Variants in S100A14 observed in about 807,000 individuals in gnomAD.
S100A14 encodes protein S100-A14.
A neutral mutation model predicts 10.6 loss-of-function variants in S100A14; 6 were observed. The observed-to-expected ratio is 0.57, with a 90% confidence interval of 0.31 to 1.12. The LOEUF is 1.12. S100A14 is among the 50% of genes most tolerant of loss of function. The probability of loss-of-function intolerance (pLI) is 0.06; values close to 1 mark genes in which losing one functional copy is unlikely to be tolerated. For synonymous variants in S100A14, 51 were observed against 51.0 expected (o/e 1.00, Z 0.00); for missense variants, 121 against 128.7 (o/e 0.94, Z 0.29).
intron 1 of S100A14, 22 bp from the exon 2 acceptor site, chr1:153,615,958 C>A: frequency 1.7e-6 from 2 of 1,193,950 alleles, no homozygotes; most frequent in Admixed American, 1.8e-5. Flanking sequence ...AGGGGGTAGG[C>A]CTGAGCTGAG....
At position 153,615,815 on chromosome 1, in the gene S100A14, G is replaced by A. The variant is rs146857024; in HGVS notation, c.30+14C>T. On this transcript the variant is annotated intron_variant, in intron 2 of 3. Transcript: ENST00000344616. ...GAGTGTGGGAGCAGAAAGGCCAGGA[G>A]TGAATGAGCCCACCTCTGCGTTGGC... 3.7e-6 allele frequency: 6 copies of A among 1,613,714 alleles called. No individual in the cohort carries two copies. The highest frequency in any genetic ancestry group is 1.7e-5 in the Admixed American group (1 of 60,000).
chr1:153,615,293 G>A lies in S100A14; in HGVS notation c.119C>T (p.Thr40Met), dbSNP rs375870977. 2.2e-5 allele frequency: 36 copies of A among 1,613,962 alleles called. No homozygotes were observed. In the East Asian group the frequency reaches 3.3e-4, roughly 15 times the overall value. ...GTCCCGTAGCTCAGAAGGGGTCAGC[G>A]TCTCCTTCCCACCCTCCACGGAGTA... ...HQYSVEGGKETLTPSELRDLV... is the reference protein window; with the variant it reads ...HQYSVEGGKEMLTPSELRDLV... Residue 40 changes from threonine to methionine, a missense_variant, in exon 3 of 4, where the codon ACG (threonine) becomes ATG (methionine). Thr to Met is a moderately conservative substitution (Grantham distance 81). Transcript: ENST00000344616.
chr1:153,615,510 A>C, intron 2 of S100A14, 129 bp from the exon 3 acceptor site: 1 of 1,105,374 alleles, frequency 9.0e-7, no homozygotes. Context: ...CCCACTCCAG[A>C]GCCCAGAATC....
rs41265178 is a variant in S100A14, at chr1:153,615,226, C to T, written c.177+9G>A. On this transcript the variant is annotated intron_variant, in intron 3 of 3. Transcript: ENST00000344616. ...GTACTGGCTGAGGTGGGGTGTGCTC[C>T]GTCCATACCGGCATGAGATGGGGCA... 21,736 of 1,613,118 alleles carry T rather than the reference C, an allele frequency of 0.013. 202 individuals carry two copies. Among genetic ancestry groups the T allele is most frequent in the Non-Finnish European group, 0.015 (17,949 of 1,179,596 alleles).
rs1016776227 is a variant in S100A14, at chr1:153,615,450, C to G, written c.31-69G>C. On this transcript the variant is annotated intron_variant, in intron 2 of 3. Transcript: ENST00000344616. ...CCCCAAAACCCTGCTTCTCCAGGAGCCTAGCAAAGCCCCCAGGGCAGAAGG... is the reference window on the plus strand; with the variant it reads ...CCCCAAAACCCTGCTTCTCCAGGAGGCTAGCAAAGCCCCCAGGGCAGAAGG... The G allele has an allele frequency of 4.5e-6, 7 of 1,552,334 alleles. No individual in the cohort carries two copies. The African/African-American group carries it at 5.4e-5, about 12-fold the overall frequency.
chr1:153,615,307 C>G lies in S100A14; in HGVS notation c.105G>C (p.Glu35Asp), dbSNP rs777920098. The change falls in exon 3 of 4, where the codon GAG (glutamate) becomes GAC (aspartate). Residue 35 changes from glutamate (E) to aspartate (D), a missense_variant. By Grantham distance (45) the Glu-to-Asp change is conservative. Transcript: ENST00000344616. ...AAGGGGTCAGCGTCTCCTTCCCACC[C>G]TCCACGGAGTACTGGTGAAAGTTCT... is the stretch of plus-strand genomic sequence containing the variant. ...LIKNFHQYSV[E>D]GGKETLTPSE... 6 of 1,613,864 alleles carry G rather than the reference C, an allele frequency of 3.7e-6. No individual in the cohort carries two copies. In the East Asian group the frequency reaches 1.3e-4, roughly 36 times the overall value.
Position 153,614,796 on chromosome 1 carries a change from A to C in S100A14, c.*89T>G. On this transcript the variant is annotated 3_prime_UTR_variant, in exon 4 of 4. Transcript: ENST00000344616. ...GCAGAGATGAGGACAGGTGCAGGCT[A>C]GGGTACAGGGTGGTGGTAGAGGAGA... is the stretch of plus-strand genomic sequence containing the variant. 6.8e-7 allele frequency: 1 copy of C among 1,463,034 alleles called. No individual in the cohort carries two copies. Among genetic ancestry groups the C allele is most frequent in the Non-Finnish European group, 9.3e-7 (1 of 1,074,736 alleles). 90.6% of individuals were successfully genotyped at this position (1,463,034 alleles called of 1,614,324 possible). A position where few individuals can be genotyped will look rare whatever the true frequency, so the allele number is the denominator to read the frequency against.
chr1:153,615,801 C>T (rs747708571), intron 2 of S100A14, 28 bp downstream of exon 2: 1 of 1,613,244 alleles, frequency 6.2e-7, no homozygotes, highest in East Asian at 2.2e-5. Context: ...AGTGTGGGAG[C>T]AGAAAGGCCA....
chr1:153,615,418 C>G, intron 2 of S100A14, 37 bp from the exon 3 acceptor site: 1 of 1,602,414 alleles, frequency 6.2e-7, no homozygotes, highest in East Asian at 2.2e-5. Flanking sequence ...CAGTGAAGCT[C>G]CATGCACCCC....
Position 153,614,749 on chromosome 1 carries a change from C to T in S100A14, c.*136G>A. On this transcript the variant is annotated 3_prime_UTR_variant, in exon 4 of 4. Coordinates refer to ENST00000344616, the MANE Select transcript of S100A14 (RefSeq NM_020672.3). ...CATCCAAGACAGAGTGCACAGAGACCTGGGGAAGGAAGCTGAACTTTGCAG... is the reference window on the plus strand; with the variant it reads ...CATCCAAGACAGAGTGCACAGAGACTTGGGGAAGGAAGCTGAACTTTGCAG... 9.2e-7 allele frequency: 1 copy of T among 1,088,160 alleles called. No individual in the cohort carries two copies. The highest frequency in any genetic ancestry group is 2.5e-5 in the East Asian group (1 of 39,394). The allele number at this position is 1,088,160 out of a possible 1,614,324, so 67.4% of individuals were successfully genotyped here.
intron 2 of S100A14, 148 bp from the exon 3 acceptor site, chr1:153,615,529 C>A: frequency 1.0e-6 from 1 of 975,604 alleles, no homozygotes; most frequent in Non-Finnish European, 1.5e-6. Context: ...TCTAGCCCCT[C>A]TCCCCCACCC....
rs1236864523 is a variant in S100A14 at position 153,615,895 on chromosome 1, G to C, written c.-37C>G. 3.7e-6 allele frequency: 6 copies of C among 1,611,910 alleles called. No homozygotes were observed. Among genetic ancestry groups the C allele is most frequent in the Non-Finnish European group, 5.1e-6 (6 of 1,178,184 alleles). Reference sequence around the variant, plus strand: ...TGTCTGGTCCTTTGGTGAGAGTTCTGTTGTCCTATAGCTGGCCCCAGAGGA... The same window carrying C: ...TGTCTGGTCCTTTGGTGAGAGTTCTCTTGTCCTATAGCTGGCCCCAGAGGA... On this transcript the variant is annotated 5_prime_UTR_variant, in exon 2 of 4. Coordinates refer to ENST00000344616, the MANE Select transcript of S100A14 (RefSeq NM_020672.3).
chr1:153,614,913 T>G lies in S100A14; in HGVS notation c.287A>C (p.Lys96Thr). The G allele has an allele frequency of 6.2e-7, 1 of 1,613,972 alleles. No homozygotes were observed. The highest frequency in any genetic ancestry group is 1.7e-5 in the Admixed American group (1 of 60,000). The change falls in exon 4 of 4, where the codon AAG (lysine) becomes ACG (threonine). Residue 96 changes from lysine (K) to threonine (T), a missense_variant. Coordinates refer to ENST00000344616, the MANE Select transcript of S100A14 (RefSeq NM_020672.3). The stretch of plus-strand genomic sequence containing the variant: ...GTGCCCCCGGACAGGCCTCTCCAGC[T>G]TCACACTCTTGGCCGCTTCTCCAAT... ...ELIGEAAKSVKLERPVRGH is the reference protein window; with the variant it reads ...ELIGEAAKSVTLERPVRGH
At position 153,615,231 on chromosome 1, in the gene S100A14, A is replaced by T; in HGVS notation, c.177+4T>A. 6.2e-7 allele frequency: 1 copy of T among 1,613,528 alleles called. No homozygotes were observed. Among genetic ancestry groups the T allele is most frequent in the South Asian group, 1.1e-5 (1 of 91,058 alleles). Reference sequence around the variant, plus strand: ...GGCTGAGGTGGGGTGTGCTCCGTCCATACCGGCATGAGATGGGGCAGCTGC... The same window carrying T: ...GGCTGAGGTGGGGTGTGCTCCGTCCTTACCGGCATGAGATGGGGCAGCTGC... On this transcript the variant is annotated splice_donor_region_variant and intron_variant, in intron 3 of 3. Transcript: ENST00000344616.
rs1254726559 is a variant in S100A14 at position 153,615,245 on chromosome 1, T to C, written c.167A>G (p.His56Arg). 1 of 1,613,798 alleles carries C rather than the reference T, an allele frequency of 6.2e-7. No homozygotes were observed. The highest frequency in any genetic ancestry group is 8.5e-7 in the Non-Finnish European group (1 of 1,179,942). Residue 56 changes from histidine to arginine, a missense_variant, in exon 3 of 4, where the codon CAT (histidine) becomes CGT (arginine). Coordinates refer to ENST00000344616, the MANE Select transcript of S100A14 (RefSeq NM_020672.3). ...GTGCTCCGTCCATACCGGCATGAGA[T>C]GGGGCAGCTGCTGGGTGACCAGGTC... ...LRDLVTQQLP[H>R]LMPSNCGLEE...
intron 2 of S100A14, 72 bp downstream of exon 2, chr1:153,615,757 T>C (rs113337600): frequency 6.6e-7 from 1 of 1,524,544 alleles, no homozygotes; most frequent in African/African-American, 1.4e-5. Flanking sequence ...CAGAAGTCAG[T>C]GGGGGGACAT....
intron 1 of S100A14, 59 bp from the exon 2 acceptor site, chr1:153,615,995 C>A: frequency 1.2e-6 from 1 of 822,598 alleles, no homozygotes; most frequent in South Asian, 1.6e-5. Context: ...TCTTTCTCAG[C>A]TGCCCCCTTT....
At position 153,614,904 on chromosome 1, in the gene S100A14, C is replaced by T; in HGVS notation, c.296G>A (p.Arg99Lys). Residue 99 changes from arginine (R) to lysine (K), a missense_variant, in exon 4 of 4, where the codon AGG becomes AAG. By Grantham distance (26) the Arg-to-Lys change is conservative. Coordinates refer to ENST00000344616, the MANE Select transcript of S100A14 (RefSeq NM_020672.3). ...GAGTTCTCAGTGCCCCCGGACAGGC[C>T]TCTCCAGCTTCACACTCTTGGCCGC... is the stretch of plus-strand genomic sequence containing the variant. Reference protein sequence around the residue: ...GEAAKSVKLERPVRGH With the variant: ...GEAAKSVKLEKPVRGH 1 of 1,613,928 alleles carries T rather than the reference C, an allele frequency of 6.2e-7. No individual in the cohort carries two copies. The highest frequency in any genetic ancestry group is 8.5e-7 in the Non-Finnish European group (1 of 1,179,960).
rs143057626 is a variant in S100A14, at chr1:153,616,283, G to A, written c.-79+12C>T. The A allele has an allele frequency of 5.5e-4, 90 of 163,266 alleles. No homozygotes were observed. Among genetic ancestry groups the A allele is most frequent in the African/African-American group, 2.1e-3 (90 of 42,242 alleles). 10.1% of individuals were successfully genotyped at this position (163,266 alleles called of 1,614,324 possible). ...GCAGTATATTTGGGTGAAAAGCCTT[G>A]GGTTTCCTTACCTGTTGGCAGCCGC... On this transcript the variant is annotated intron_variant, in intron 1 of 3. Coordinates refer to ENST00000344616, the MANE Select transcript of S100A14 (RefSeq NM_020672.3).
Sources: gnomAD v4.1 joint callset for allele counts on GRCh38, gnomAD v4.1.1 for gene constraint, MANE v1.5 for transcripts, NCBI Gene and HGNC (gene_info 2026-07-23, HGNC 2026-07-21) for gene names.